FOXP1: variants seen among roughly 807,000 people sequenced by gnomAD.
The protein encoded by FOXP1 is forkhead box P1.
Under a neutral mutation model 98.2 loss-of-function variants are expected in FOXP1, and 15 were observed. The observed-to-expected ratio is 0.15, with a 90% CI of 0.10 to 0.24. The LOEUF (loss-of-function observed/expected upper bound fraction) is 0.24. Ranked by LOEUF, FOXP1 falls within the 10% of genes least tolerant of loss-of-function variation. FOXP1 has a pLI of 1.00. For missense variants in FOXP1, 633 were observed against 848.5 expected (o/e 0.75, Z 3.15); for synonymous variants, 371 against 314.5 (o/e 1.18, Z -1.90).
At chr3:70,987,862 T>C in intron 14 of FOXP1, 132 bp downstream of exon 14, 1 of 762,980 alleles carries the variant, frequency 1.3e-6, no homozygotes, top group Admixed American at 2.1e-5. Flanking sequence ...AACAGTCGCA[T>C]GAATCTAAGG....
chr3:71,268,090 C>CCTTTTTTTTTT (rs1553808991), intron 5 of FOXP1, among the ~76,000 whole-genome samples: 1 of 100,382 alleles, frequency 1.0e-5, no homozygotes, highest in African/African-American at 3.8e-5. Flanking sequence ...CTTTTCTTTT[C>CCTTTTTTTTTT]TTTTTTTTTT....
At chr3:71,503,653 T>C (rs1303286169) in intron 2 of FOXP1, among the ~76,000 whole-genome samples, 2 of 147,208 alleles carry the variant, frequency 1.4e-5, no homozygotes, top group Non-Finnish European at 3.0e-5. Flanking sequence ...CACCACACTA[T>C]GGTAAACCTC....
chr3:71,156,011 T>C (rs1419824667), intron 6 of FOXP1, among the ~76,000 whole-genome samples: 1 of 152,090 alleles, frequency 6.6e-6, no homozygotes, highest in African/African-American at 2.4e-5. Context: ...GTAAGGGAGG[T>C]AGGGCTCAGT....
intron 13 of FOXP1, among the ~76,000 whole-genome samples, chr3:70,995,030 A>T (rs2041169086): frequency 1.4e-5 from 2 of 145,778 alleles, no homozygotes; most frequent in Non-Finnish European, 3.0e-5. Context: ...TGTTTTTTGT[A>T]TTTTTTTTTT....
chr3:71,277,658 C>G (rs1016112177), intron 5 of FOXP1, among the ~76,000 whole-genome samples: 1 of 152,138 alleles, frequency 6.6e-6, no homozygotes, highest in African/African-American at 2.4e-5. Context: ...TCACTCCCAC[C>G]TGGAGGACTG....
At chr3:71,285,122 T>C (rs1419424964) in intron 5 of FOXP1, among the ~76,000 whole-genome samples, 1 of 152,112 alleles carries the variant, frequency 6.6e-6, no homozygotes, top group Non-Finnish European at 1.5e-5. Context: ...TAAAGAACAT[T>C]AACCCCACTC....
rs2048176689 is a variant in FOXP1 at position 71,581,624 on chromosome 3, G to A, written c.-373C>T. The stretch of plus-strand genomic sequence containing the variant: ...AGGCGCCGGCAGCACCATGGTCCCC[G>A]GCGCCGCTGCCGCTGCCCCCGGCCC... On this transcript the variant is annotated 5_prime_UTR_variant, in exon 2 of 21. Coordinates refer to ENST00000649528, the MANE Select transcript of FOXP1 (RefSeq NM_001349338.3). 4 of 985,778 alleles carry A rather than the reference G, an allele frequency of 4.1e-6. No individual in the cohort carries two copies. Among genetic ancestry groups the A allele is most frequent in the South Asian group, 4.6e-5 (1 of 21,548 alleles). 61.1% of individuals were successfully genotyped at this position (985,778 alleles called of 1,614,324 possible).
chr3:71,064,963 C>T (rs1358888333), intron 7 of FOXP1: 1 of 164,892 alleles, frequency 6.1e-6, no homozygotes, highest in African/African-American at 2.5e-5. Flanking sequence ...GCTGACAAGA[C>T]GCGCCGCGCC....
chr3:71,057,022 G>A (rs1464771186), intron 7 of FOXP1, among the ~76,000 whole-genome samples: 6 of 152,228 alleles, frequency 3.9e-5, no homozygotes, highest in South Asian at 4.1e-4. Flanking sequence ...GTCATTAGCG[G>A]CAAGAGTGAT....
intron 13 of FOXP1, among the ~76,000 whole-genome samples, chr3:70,994,014 GAAA>G (rs1319451173): frequency 6.7e-6 from 1 of 148,476 alleles, no homozygotes; most frequent in African/African-American, 2.5e-5. Flanking sequence ...AAAAGAAAAA[GAAA>G]AAGAAAAAGA....
At chr3:71,113,690 GT>G (rs1394986158) in intron 6 of FOXP1, among the ~76,000 whole-genome samples, 1 of 64,376 alleles carries the variant, frequency 1.6e-5, no homozygotes, top group Non-Finnish European at 3.2e-5. Flanking sequence ...TTCAGCCTGG[GT>G]AACAGAATAA....
Position 71,465,191 on chromosome 3 carries a change from C to T in FOXP1, c.-168+28235G>A, listed in dbSNP as rs904500160. On this transcript the variant is annotated intron_variant, in intron 3 of 20. Transcript: ENST00000649528. ...GCGTGGTGGCACATGTCTGTAATCC[C>T]GGCTACTTGGGAGGCTGAGACAGGA... Among the ~76,000 whole-genome samples, 8 of 151,682 alleles carry T rather than the reference C, an allele frequency of 5.3e-5. 1 individual carries two copies. The South Asian group carries it at 6.2e-4, about 12-fold the overall frequency.
intron 6 of FOXP1, among the ~76,000 whole-genome samples, chr3:71,189,472 C>T (rs1278950624): frequency 6.6e-6 from 1 of 152,220 alleles, no homozygotes; most frequent in Non-Finnish European, 1.5e-5. Context: ...CACAGAATGT[C>T]TTTCTGTAGA....
intron 6 of FOXP1, chr3:71,130,889 G>T (rs767092470): frequency 6.4e-5 from 89 of 1,380,746 alleles, no homozygotes; most frequent in Non-Finnish European, 7.2e-5. Context: ...ACCGCTCCAG[G>T]TCTGCAAGCA....
At chr3:71,016,233 A>G (rs1051780579) in intron 11 of FOXP1, among the ~76,000 whole-genome samples, 1 of 152,184 alleles carries the variant, frequency 6.6e-6, no homozygotes, top group Non-Finnish European at 1.5e-5. Flanking sequence ...AATGGCAAGA[A>G]GATTATATTC....
chr3:71,393,397 A>C (rs2108137853), intron 3 of FOXP1, among the ~76,000 whole-genome samples: 1 of 152,200 alleles, frequency 6.6e-6, no homozygotes, highest in East Asian at 1.9e-4. Flanking sequence ...TGACTATAGA[A>C]GACTCATAAT....
rs374552643 is a variant in FOXP1 at position 71,565,447 on chromosome 3, TG to T, written c.-298+16101del. ...AAATACACATATTTGGTGGCAGTGA[TG>T]GGGGGGGAGCTAAACAGACTCTTAA... is the stretch of plus-strand genomic sequence containing the variant. On this transcript the variant is annotated intron_variant, in intron 2 of 20. Coordinates refer to ENST00000649528, the MANE Select transcript of FOXP1 (RefSeq NM_001349338.3). Among the ~76,000 whole-genome samples the T allele has an allele frequency of 6.6e-3, 1,002 of 151,782 alleles. 7 individuals are homozygous for T. The highest frequency in any genetic ancestry group is 0.021 in the African/African-American group (881 of 41,366).
At chr3:71,285,708 A>G (rs1175517757) in intron 5 of FOXP1, among the ~76,000 whole-genome samples, 2 of 152,196 alleles carry the variant, frequency 1.3e-5, no homozygotes, top group Non-Finnish European at 2.9e-5. Context: ...TAACAGTCAA[A>G]TTTTAATATT....
At chr3:71,087,898 C>T (rs2055308411) in intron 7 of FOXP1, among the ~76,000 whole-genome samples, 1 of 152,060 alleles carries the variant, frequency 6.6e-6, no homozygotes, top group African/African-American at 2.4e-5. Flanking sequence ...TACCTGTTTG[C>T]ATGTATAAGT....
Sources: allele counts gnomAD v4.1 joint callset (sites outside exome capture counted in the v4.1 genomes callset), GRCh38; gene constraint gnomAD v4.1.1; transcripts MANE v1.5; gene names NCBI Gene and HGNC (gene_info 2026-07-23, HGNC 2026-07-21).